The following LYZ variants were observed in gnomAD, a reference collection of about 807,000 sequenced individuals.
LYZ encodes the protein lysozyme.
LYZ carries 18 observed loss-of-function variants against 15.8 expected under a neutral mutation model. That is an observed-to-expected ratio of 1.14 (90% CI 0.79 to 1.69). The LOEUF (loss-of-function observed/expected upper bound fraction) is 1.69. LYZ is among the 40% of genes most tolerant of loss of function. The probability of loss-of-function intolerance (pLI) is 0.00; values close to 1 mark genes in which losing one functional copy is unlikely to be tolerated. For missense variants in LYZ, 139 were observed against 182.8 expected (o/e 0.76, Z 1.38); for synonymous variants, 60 against 61.7 (o/e 0.97, Z 0.13).
chr12:69,351,880 G>A (rs983180709), intron 2 of LYZ, among the ~76,000 whole-genome samples: 2 of 152,040 alleles, frequency 1.3e-5, no homozygotes, highest in Non-Finnish European at 2.9e-5. Context: ...ATCTTTGGGT[G>A]CATTTCTTAT....
At chr12:69,351,107 TG>T (rs920530656) in intron 2 of LYZ, among the ~76,000 whole-genome samples, 6 of 152,162 alleles carry the variant, frequency 3.9e-5, no homozygotes, top group Non-Finnish European at 8.8e-5. Context: ...AGGAACATGA[TG>T]ATATTCCATT....
intron 3 of LYZ, among the ~76,000 whole-genome samples, chr12:69,352,633 G>A (rs1469009283): frequency 6.6e-6 from 1 of 152,168 alleles, no homozygotes; most frequent in Admixed American, 6.5e-5. Context: ...CAGCACTTTG[G>A]GAGACCGAGG....
At chr12:69,352,348 T>G (rs781073990) in intron 3 of LYZ, 50 bp downstream of exon 3, 2 of 1,444,910 alleles carry the variant, frequency 1.4e-6, no homozygotes, top group East Asian at 4.5e-5. Flanking sequence ...ACTGTTGATA[T>G]ATACAATGAG....
chr12:69,353,650 G>A lies in LYZ; in HGVS notation c.*431G>A, dbSNP rs1403347779. The A allele has an allele frequency of 3.1e-5, 7 of 223,728 alleles. No homozygotes were observed. Among genetic ancestry groups the A allele is most frequent in the African/African-American group, 7.1e-5 (3 of 42,268 alleles). 13.9% of individuals were successfully genotyped at this position (223,728 alleles called of 1,614,324 possible). ...ATTACGGGCGCCCGCCACCACGCCC[G>A]GCTAATTTTTTGTATTTTTAGTAGA... is the stretch of plus-strand genomic sequence containing the variant. On this transcript the variant is annotated 3_prime_UTR_variant, in exon 4 of 4. Transcript: ENST00000261267.
rs929554954 is a variant in LYZ at position 69,353,536 on chromosome 12, T to G, written c.*317T>G. On this transcript the variant is annotated 3_prime_UTR_variant, in exon 4 of 4. Transcript: ENST00000261267. Reference sequence around the variant, plus strand: ...GACAGTCTCGCTCTGTCGCCCAGGCTGGAGTGCAGTGGCGCAATCTCGGCT... The same window carrying G: ...GACAGTCTCGCTCTGTCGCCCAGGCGGGAGTGCAGTGGCGCAATCTCGGCT... The G allele has an allele frequency of 1.9e-5, 6 of 307,966 alleles. No homozygotes were observed. Among genetic ancestry groups the G allele is most frequent in the African/African-American group, 1.2e-4 (5 of 41,354 alleles). 19.1% of individuals were successfully genotyped at this position (307,966 alleles called of 1,614,324 possible).
chr12:69,352,432 A>G lies in LYZ; in HGVS notation c.380+134A>G. On this transcript the variant is annotated intron_variant, in intron 3 of 3. Coordinates refer to ENST00000261267, the MANE Select transcript of LYZ (RefSeq NM_000239.3). ...GCTTTTGGCTTATGCTAAATGATGT[A>G]TTACCTACATCCTTGAAGAAACAAT... The G allele has an allele frequency of 4.6e-6, 3 of 650,904 alleles. No individual in the cohort carries two copies. The South Asian group carries it at 5.3e-5, about 12-fold the overall frequency. 40.3% of individuals were successfully genotyped at this position (650,904 alleles called of 1,614,324 possible).
In LYZ at chr12:69,353,191, G is replaced by C; in HGVS notation, c.419G>C (p.Arg140Pro). The C allele has an allele frequency of 6.2e-7, 1 of 1,614,054 alleles. No homozygotes were observed. The highest frequency in any genetic ancestry group is 8.5e-7 in the Non-Finnish European group (1 of 1,179,946). The change falls in exon 4 of 4, where the codon CGT (arginine) becomes CCT (proline). Residue 140 changes from arginine to proline, a missense_variant. By Grantham distance (103) the Arg-to-Pro change is moderately radical (BLOSUM62 -2). Coordinates refer to ENST00000261267, the MANE Select transcript of LYZ (RefSeq NM_000239.3). Reference protein sequence around the residue: ...WRNRCQNRDVRQYVQGCGV With the variant: ...WRNRCQNRDVPQYVQGCGV ...AATCGTTGTCAAAACAGAGATGTCC[G>C]TCAGTATGTTCAAGGTTGTGGAGTG...
Position 69,353,976 on chromosome 12 carries a change from G to A in LYZ, c.*757G>A, listed in dbSNP as rs1005655898. 6.6e-6 allele frequency: 1 copy of A among 152,066 alleles called. No individual in the cohort carries two copies. Among genetic ancestry groups the A allele is most frequent in the African/African-American group, 2.4e-5 (1 of 41,400 alleles). 9.4% of individuals were successfully genotyped at this position (152,066 alleles called of 1,614,324 possible). ...AAAACAGTAAAAATAACCACTTTTT[G>A]TTGGGCAATATGAAATTTTTAAAGG... is the stretch of plus-strand genomic sequence containing the variant. On this transcript the variant is annotated 3_prime_UTR_variant, in exon 4 of 4. Coordinates refer to ENST00000261267, the MANE Select transcript of LYZ (RefSeq NM_000239.3).
Position 69,352,228 on chromosome 12 carries a change from C to A in LYZ, c.310C>A (p.Gln104Lys). ...ACHLSCSALL[Q>K]DNIADAVACA... ...TACCACCTGTCTTTCAGCTTTGCTG[C>A]AAGATAACATCGCTGATGCTGTAGC... The change falls in exon 3 of 4, where the codon CAA (glutamine) becomes AAA (lysine). Residue 104 changes from glutamine to lysine, a missense_variant. By Grantham distance (53) the Gln-to-Lys change is moderately conservative. Transcript: ENST00000261267. 6.2e-7 allele frequency: 1 copy of A among 1,611,856 alleles called. No homozygotes were observed. Among genetic ancestry groups the A allele is most frequent in the Non-Finnish European group, 8.5e-7 (1 of 1,178,026 alleles).
At chr12:69,352,662 T>G (rs1490924991) in intron 3 of LYZ, among the ~76,000 whole-genome samples, 1 of 152,094 alleles carries the variant, frequency 6.6e-6, no homozygotes, top group African/African-American at 2.4e-5. Context: ...TCACCTGAGG[T>G]CAGGAGTTCG....
Position 69,353,581 on chromosome 12 carries a change from C to T in LYZ, c.*362C>T, listed in dbSNP as rs562830363. ...TCGGCTCACTGCAACCTCCACCTCC[C>T]GGGTTCACGCCATTCTCCTGCCTCA... On this transcript the variant is annotated 3_prime_UTR_variant, in exon 4 of 4. Transcript: ENST00000261267. 15 of 277,906 alleles carry T rather than the reference C, an allele frequency of 5.4e-5. No individual in the cohort carries two copies. Among genetic ancestry groups the T allele is most frequent in the East Asian group, 1.0e-4 (1 of 9,914 alleles). 17.2% of individuals were successfully genotyped at this position (277,906 alleles called of 1,614,324 possible). A position where few individuals can be genotyped will look rare whatever the true frequency, so the allele number is the denominator to read the frequency against.
Position 69,348,439 on chromosome 12 carries a change from C to A in LYZ, c.31C>A (p.Leu11Ile). The change falls in exon 1 of 4, where the codon CTC becomes ATC. Residue 11 changes from leucine to isoleucine, a missense_variant. By Grantham distance (5) the Leu-to-Ile change is conservative. Transcript: ENST00000261267. MKALIVLGLVLLSVTVQGKVF... is the reference protein window; with the variant it reads MKALIVLGLVILSVTVQGKVF... ...GGCTCTCATTGTTCTGGGGCTTGTC[C>A]TCCTTTCTGTTACGGTCCAGGGCAA... 6.2e-7 allele frequency: 1 copy of A among 1,614,174 alleles called. No homozygotes were observed. Among genetic ancestry groups the A allele is most frequent in the East Asian group, 2.2e-5 (1 of 44,888 alleles).
Position 69,348,382 on chromosome 12 carries a change from G to A in LYZ, c.-27G>A. On this transcript the variant is annotated 5_prime_UTR_variant, in exon 1 of 4. Transcript: ENST00000261267. ...TACTGGGGCCAGCTCACCCTGGTCA[G>A]CCTAGCACTCTGACCTAGCAGTCAA... 3 of 1,613,882 alleles carry A rather than the reference G, an allele frequency of 1.9e-6. No homozygotes were observed. Among genetic ancestry groups the A allele is most frequent in the Non-Finnish European group, 2.5e-6 (3 of 1,179,994 alleles).
intron 1 of LYZ, among the ~76,000 whole-genome samples, chr12:69,348,779 T>C (rs1236574537): frequency 1.3e-5 from 2 of 152,194 alleles, no homozygotes; most frequent in Non-Finnish European, 2.9e-5. Flanking sequence ...CCTGTTGTAC[T>C]GTTCTAGTGC....
intron 3 of LYZ, 142 bp downstream of exon 3, chr12:69,352,440 C>A: frequency 1.6e-6 from 1 of 630,872 alleles, no homozygotes; most frequent in Non-Finnish European, 2.8e-6. Context: ...GTATTACCTA[C>A]ATCCTTGAAG....
chr12:69,348,978 T>C (rs1348750741), intron 1 of LYZ, among the ~76,000 whole-genome samples: 1 of 130,632 alleles, frequency 7.7e-6, no homozygotes, highest in African/African-American at 4.1e-5. Flanking sequence ...TGCCGTGATG[T>C]GGGATTTTTA....
At chr12:69,350,017 TA>T in intron 1 of LYZ, 90 bp from the exon 2 acceptor site, 2 of 1,038,524 alleles carry the variant, frequency 1.9e-6, no homozygotes, top group Non-Finnish European at 1.5e-6. Flanking sequence ...AACAAATCAG[TA>T]AAATAGAAGT....
Position 69,350,242 on chromosome 12 carries a change from G to A in LYZ, c.271G>A (p.Ala91Thr). 6.2e-7 allele frequency: 1 copy of A among 1,614,106 alleles called. No individual in the cohort carries two copies. The highest frequency in any genetic ancestry group is 8.5e-7 in the Non-Finnish European group (1 of 1,180,000). ...YWCNDGKTPG[A>T]VNACHLSCSA... ...GTGTAATGATGGCAAAACCCCAGGA[G>A]CAGTTAATGCCTGTCATTTATCCTG... Residue 91 changes from alanine to threonine, a missense_variant, in exon 2 of 4, where the codon GCA becomes ACA. By Grantham distance (58) the Ala-to-Thr change is moderately conservative. Transcript: ENST00000261267.
chr12:69,352,210 T>C lies in LYZ; in HGVS notation c.302-10T>C. 1.2e-6 allele frequency: 2 copies of C among 1,606,902 alleles called. No individual in the cohort carries two copies. Among genetic ancestry groups the C allele is most frequent in the African/African-American group, 1.3e-5 (1 of 74,928 alleles). On this transcript the variant is annotated splice_polypyrimidine_tract_variant and intron_variant, in intron 2 of 3. Transcript: ENST00000261267. ...ATTAAAGTTTTTATTCCTTACCACC[T>C]GTCTTTCAGCTTTGCTGCAAGATAA...
Sources: allele counts gnomAD v4.1 joint callset (sites outside exome capture counted in the v4.1 genomes callset), GRCh38; gene constraint gnomAD v4.1.1; transcripts MANE v1.5; gene names NCBI Gene and HGNC (gene_info 2026-07-23, HGNC 2026-07-21).